Variants in ATP6V1D observed in about 807,000 individuals in gnomAD.
ATP6V1D encodes V-type proton ATPase subunit D.
ATP6V1D carries 20 observed loss-of-function variants against 39.4 expected under a neutral mutation model. That is an observed-to-expected ratio of 0.51 (90% CI 0.36 to 0.74). The LOEUF (loss-of-function observed/expected upper bound fraction) is 0.74. Ranked by LOEUF, ATP6V1D falls within the 30% of genes least tolerant of loss-of-function variation. The pLI, the probability that ATP6V1D is intolerant of heterozygous loss-of-function variation, is 0.00. For synonymous variants in ATP6V1D, 100 were observed against 100.5 expected, an observed-to-expected ratio of 0.99 and a Z score of 0.03; for missense variants, 228 against 291.6, an observed-to-expected ratio of 0.78 and a Z score of 1.59.
At chr14:67,340,597 GTTA>G (rs2085573250) in intron 7 of ATP6V1D, 79 bp from the exon 8 acceptor site, 1 of 1,197,590 alleles carries the variant, frequency 8.4e-7, no homozygotes, top group Non-Finnish European at 1.2e-6. Flanking sequence ...TTGTATAACA[GTTA>G]TTTTTTCCTA....
chr14:67,345,596 A>G (rs966808008), intron 6 of ATP6V1D, among the ~76,000 whole-genome samples, 172 bp downstream of exon 6: 1 of 152,138 alleles, frequency 6.6e-6, no homozygotes, highest in African/African-American at 2.4e-5. Context: ...AGTAGGGACA[A>G]TGGTACAAAA....
intron 8 of ATP6V1D, chr14:67,340,186 T>A (rs910550959): frequency 8.7e-5 from 34 of 389,938 alleles, no homozygotes; most frequent in African/African-American, 3.5e-4. Flanking sequence ...AACATATATT[T>A]AAAAAAAAAA....
chr14:67,348,766 C>T, intron 4 of ATP6V1D: 1 of 291,538 alleles, frequency 3.4e-6, no homozygotes, highest in Non-Finnish European at 6.5e-6. Flanking sequence ...GTGATTCGCC[C>T]ACCTCGGCCT....
intron 2 of ATP6V1D, among the ~76,000 whole-genome samples, chr14:67,351,898 A>G (rs2085656151): frequency 6.6e-6 from 1 of 151,632 alleles, no homozygotes; most frequent in Non-Finnish European, 1.5e-5. Context: ...CAGAATACAC[A>G]TAGAACCTCT....
At chr14:67,347,860 G>C (rs1009518818) in intron 4 of ATP6V1D, among the ~76,000 whole-genome samples, 5 of 151,690 alleles carry the variant, frequency 3.3e-5, no homozygotes, top group African/African-American at 1.2e-4. Context: ...CAAAAATCAA[G>C]AGCTTAAGTA....
intron 6 of ATP6V1D, among the ~76,000 whole-genome samples, chr14:67,345,536 CAA>C (rs1264130858): frequency 6.6e-6 from 1 of 152,018 alleles, no homozygotes; most frequent in African/African-American, 2.4e-5. Context: ...GCCTGGGCAA[CAA>C]GAGTAAAACT....
At chr14:67,359,111 A>G (rs2085708142) in intron 1 of ATP6V1D, among the ~76,000 whole-genome samples, 1 of 152,234 alleles carries the variant, frequency 6.6e-6, no homozygotes, top group African/African-American at 2.4e-5. Flanking sequence ...ACAGCAGGTG[A>G]CATTTGGCGG....
chr14:67,345,211 C>T (rs1383759099), intron 6 of ATP6V1D, among the ~76,000 whole-genome samples: 2 of 152,090 alleles, frequency 1.3e-5, no homozygotes, highest in Non-Finnish European at 2.9e-5. Flanking sequence ...CACTGCACTC[C>T]AGCCTGGGTG....
At chr14:67,347,498 C>CTT (rs763904796) in intron 4 of ATP6V1D, 45 bp from the exon 5 acceptor site, 7 of 1,292,272 alleles carry the variant, frequency 5.4e-6, no homozygotes, top group Admixed American at 6.0e-5. Context: ...CCTTTAAGTT[C>CTT]TCTCTTTTTT....
intron 4 of ATP6V1D, among the ~76,000 whole-genome samples, chr14:67,348,562 C>T (rs1171237573): frequency 4.0e-5 from 6 of 151,796 alleles, no homozygotes; most frequent in African/African-American, 7.3e-5. Context: ...TGCTCTGTCA[C>T]CCAGGCTGGA....
chr14:67,350,503 T>A, intron 3 of ATP6V1D, 108 bp downstream of exon 3: 2 of 859,638 alleles, frequency 2.3e-6, no homozygotes, highest in South Asian at 3.5e-5. Context: ...TATTACTATA[T>A]CATTTGTCCT....
At chr14:67,340,272 G>C in intron 8 of ATP6V1D, 168 bp downstream of exon 8, 1 of 594,518 alleles carries the variant, frequency 1.7e-6, no homozygotes, top group Admixed American at 3.0e-5. Context: ...AAATTTGACA[G>C]ATTTGTTTCC....
intron 1 of ATP6V1D, among the ~76,000 whole-genome samples, chr14:67,355,883 C>G (rs1028950136): frequency 6.6e-6 from 1 of 151,856 alleles, no homozygotes; most frequent in African/African-American, 2.4e-5. Flanking sequence ...ACCGGTAATC[C>G]CATATACAAA....
intron 8 of ATP6V1D, among the ~76,000 whole-genome samples, chr14:67,339,645 T>C (rs985111951): frequency 3.9e-5 from 6 of 152,236 alleles, no homozygotes; most frequent in Admixed American, 3.9e-4. Context: ...GTGCTAATTC[T>C]CTAATGGCGT....
intron 3 of ATP6V1D, 129 bp from the exon 4 acceptor site, chr14:67,349,233 G>A: frequency 3.3e-6 from 3 of 900,886 alleles, no homozygotes; most frequent in Non-Finnish European, 3.3e-6. Flanking sequence ...TTTGATAACT[G>A]TCCTTTTTCC....
intron 1 of ATP6V1D, among the ~76,000 whole-genome samples, chr14:67,355,449 CA>C (rs564931669): frequency 0.016 from 307 of 18,912 alleles, 3 homozygotes; most frequent in Non-Finnish European, 0.017. Flanking sequence ...GACCCTGTCT[CA>C]AAAAAAAAAA....
rs562855868 is a variant in ATP6V1D, at chr14:67,340,536, AT to A, written c.524-19del. ...AATGATGACTAGAATAAAAAAAAAA[AT>A]AATATGTGTGAGAACTTCAAACCCC... On this transcript the variant is annotated intron_variant, in intron 7 of 8. Coordinates refer to ENST00000216442, the MANE Select transcript of ATP6V1D (RefSeq NM_015994.4). The A allele has an allele frequency of 7.2e-5, 103 of 1,439,882 alleles. No individual in the cohort carries two copies. In the African/African-American group the frequency reaches 1.3e-3, roughly 19 times the overall value. The allele number at this position is 1,439,882 out of a possible 1,614,324, so 89.2% of individuals were successfully genotyped here.
intron 3 of ATP6V1D, among the ~76,000 whole-genome samples, chr14:67,349,978 A>G (rs1404034445): frequency 6.6e-6 from 1 of 152,220 alleles, no homozygotes; most frequent in Non-Finnish European, 1.5e-5. Flanking sequence ...TCTGCCCCTA[A>G]TTAGCCAAGT....
intron 1 of ATP6V1D, among the ~76,000 whole-genome samples, chr14:67,355,829 C>CAA (rs755032476): frequency 6.1e-5 from 8 of 130,542 alleles, no homozygotes; most frequent in African/African-American, 2.3e-4. Flanking sequence ...CCTGTCTCTA[C>CAA]AAAAAAAAAA....
Sources: allele counts gnomAD v4.1 joint callset (sites outside exome capture counted in the v4.1 genomes callset), GRCh38; gene constraint gnomAD v4.1.1; transcripts MANE v1.5; gene names NCBI Gene and HGNC (gene_info 2026-07-23, HGNC 2026-07-21).